The following GMDS variants were observed in gnomAD, a reference collection of about 807,000 sequenced individuals.
GMDS encodes GDP-mannose 4,6-dehydratase.
Under a neutral mutation model 49.9 loss-of-function variants are expected in GMDS, and 20 were observed. The ratio of observed to expected loss-of-function variants is 0.40; its 90% confidence interval spans 0.28 to 0.58. GMDS has a LOEUF of 0.58. Among genes scored for constraint, GMDS ranks in the 20% least tolerant of loss-of-function variants. GMDS has a pLI of 0.42. For synonymous variants in GMDS, 177 were observed against 178.6 expected (o/e 0.99, Z 0.07); for missense variants, 362 against 481.4 (o/e 0.75, Z 2.32).
intron 4 of GMDS, among the ~76,000 whole-genome samples, chr6:2,050,703 G>A (rs1770337554): frequency 6.6e-6 from 1 of 152,146 alleles, no homozygotes; most frequent in African/African-American, 2.4e-5. Flanking sequence ...CTTCATCCCT[G>A]GGATGCAAGG....
At chr6:1,969,992 T>G (rs1244341815) in intron 4 of GMDS, among the ~76,000 whole-genome samples, 6 of 152,208 alleles carry the variant, frequency 3.9e-5, no homozygotes, top group African/African-American at 1.4e-4. Context: ...AGTTTAGGCA[T>G]ATAATTCCCC....
chr6:2,232,912 G>A (rs578196651), intron 1 of GMDS, among the ~76,000 whole-genome samples: 26 of 151,492 alleles, frequency 1.7e-4, no homozygotes, highest in Admixed American at 2.6e-4. Context: ...CCACCATGAC[G>A]AAAAAAAACC....
At chr6:1,978,571 C>T (rs569157342) in intron 4 of GMDS, among the ~76,000 whole-genome samples, 10 of 152,266 alleles carry the variant, frequency 6.6e-5, no homozygotes, top group Admixed American at 3.3e-4. Flanking sequence ...CCAGCCACCC[C>T]CTCCCACCCC....
intron 1 of GMDS, among the ~76,000 whole-genome samples, chr6:2,227,410 C>T (rs1269613167): frequency 6.6e-6 from 1 of 152,202 alleles, no homozygotes; most frequent in African/African-American, 2.4e-5. Flanking sequence ...CCACCAACAT[C>T]AGAACCATGC....
At chr6:1,888,523 G>T (rs1173511323) in intron 7 of GMDS, among the ~76,000 whole-genome samples, 1 of 152,098 alleles carries the variant, frequency 6.6e-6, no homozygotes, top group African/African-American at 2.4e-5. Context: ...TCTTACACGA[G>T]GGGATTATGG....
chr6:2,008,093 C>T (rs1767311620), intron 4 of GMDS, among the ~76,000 whole-genome samples: 2 of 152,080 alleles, frequency 1.3e-5, no homozygotes, highest in South Asian at 4.1e-4. Flanking sequence ...CAAAATACTT[C>T]TAAAATTGCA....
At chr6:1,970,038 T>A (rs528655673) in intron 4 of GMDS, among the ~76,000 whole-genome samples, 22 of 152,368 alleles carry the variant, frequency 1.4e-4, no homozygotes, top group African/African-American at 5.3e-4. Flanking sequence ...TGGAACAAAC[T>A]TTATATATGG....
At chr6:2,040,603 C>G (rs1227442227) in intron 4 of GMDS, among the ~76,000 whole-genome samples, 1 of 152,144 alleles carries the variant, frequency 6.6e-6, no homozygotes, top group Non-Finnish European at 1.5e-5. Flanking sequence ...CCTGTAAGAG[C>G]TGTAGAGGAC....
intron 9 of GMDS, among the ~76,000 whole-genome samples, chr6:1,707,760 G>T (rs1765789910): frequency 6.6e-6 from 1 of 152,222 alleles, no homozygotes; most frequent in South Asian, 2.1e-4. Flanking sequence ...GTAGCACCCA[G>T]ATTTGGACGT....
In GMDS at chr6:1,729,732, T is replaced by C. The variant is rs1766724382; in HGVS notation, c.891-3220A>G. On this transcript the variant is annotated intron_variant, in intron 8 of 10. Coordinates refer to ENST00000380815, the MANE Select transcript of GMDS (RefSeq NM_001500.4). ...AGAGGATTCGGTTAATTAACAAGAG[T>C]TACTACCCACGAATTGAGATCAACA... is the stretch of plus-strand genomic sequence containing the variant. Among the ~76,000 whole-genome samples, 3 of 152,094 alleles carry C rather than the reference T, an allele frequency of 2.0e-5. No individual in the cohort carries two copies. The South Asian group carries it at 6.2e-4, about 32-fold the overall frequency.
At chr6:2,231,205 A>C (rs1781091927) in intron 1 of GMDS, among the ~76,000 whole-genome samples, 1 of 152,090 alleles carries the variant, frequency 6.6e-6, no homozygotes, top group Non-Finnish European at 1.5e-5. Flanking sequence ...CAGAGCTGTA[A>C]GGATTCCCTG....
chr6:1,775,721 TTTTG>T (rs1301264563), intron 7 of GMDS, among the ~76,000 whole-genome samples: 1 of 152,202 alleles, frequency 6.6e-6, no homozygotes, highest in Non-Finnish European at 1.5e-5. Context: ...AATGAAAGTT[TTTTG>T]TTTTTCTTCT....
At chr6:1,871,632 G>T (rs1161693887) in intron 7 of GMDS, among the ~76,000 whole-genome samples, 1 of 152,114 alleles carries the variant, frequency 6.6e-6, no homozygotes, top group Non-Finnish European at 1.5e-5. Context: ...AAAACGTAAT[G>T]ATCCTTGTTT....
At chr6:2,071,923 G>A (rs12055694) in intron 4 of GMDS, among the ~76,000 whole-genome samples, 28,267 of 152,082 alleles carry the variant, frequency 0.19, 2,971 homozygotes, top group Admixed American at 0.22. Flanking sequence ...TGTCTAAAAT[G>A]GAAACACTTT....
At chr6:1,765,699 C>A (rs985564714) in intron 7 of GMDS, among the ~76,000 whole-genome samples, 3 of 152,108 alleles carry the variant, frequency 2.0e-5, no homozygotes, top group African/African-American at 7.2e-5. Context: ...CCCAATCTAC[C>A]CCGTCTAAAT....
chr6:2,141,057 A>G (rs1042160526), intron 1 of GMDS, among the ~76,000 whole-genome samples: 2 of 152,232 alleles, frequency 1.3e-5, no homozygotes, highest in African/African-American at 4.8e-5. Context: ...CTAGAGAGCA[A>G]TATTCAAATG....
At chr6:2,036,438 C>A (rs1200328580) in intron 4 of GMDS, among the ~76,000 whole-genome samples, 1 of 152,108 alleles carries the variant, frequency 6.6e-6, no homozygotes, top group Non-Finnish European at 1.5e-5. Context: ...ATTTTCAGAG[C>A]CTTACTGCTT....
intron 9 of GMDS, among the ~76,000 whole-genome samples, chr6:1,724,893 T>C (rs1385822134): frequency 6.6e-6 from 1 of 152,234 alleles, no homozygotes; most frequent in African/African-American, 2.4e-5. Context: ...GCCCGGACAA[T>C]GCACGACTCC....
chr6:2,165,715 T>A (rs1306610631), intron 1 of GMDS, among the ~76,000 whole-genome samples: 1 of 152,248 alleles, frequency 6.6e-6, no homozygotes, highest in Non-Finnish European at 1.5e-5. Flanking sequence ...TAATGTCAGC[T>A]CATATAGCAT....
Sources: allele counts gnomAD v4.1 joint callset (sites outside exome capture counted in the v4.1 genomes callset), GRCh38; gene constraint gnomAD v4.1.1; transcripts MANE v1.5; gene names NCBI Gene and HGNC (gene_info 2026-07-23, HGNC 2026-07-21).